The following CCNG1 variants were observed in gnomAD, a reference collection of about 807,000 sequenced individuals.
CCNG1 encodes the protein cyclin G1, also known as cyclin-G1.
Under a neutral mutation model 30.0 loss-of-function variants are expected in CCNG1, and 13 were observed. That is an observed-to-expected ratio of 0.43 (90% CI 0.28 to 0.69). CCNG1 has a LOEUF of 0.69. CCNG1 is among the 30% of genes least tolerant of loss of function. The pLI is 0.16. For missense variants in CCNG1, 285 were observed against 331.4 expected (o/e 0.86, Z 1.09); for synonymous variants, 110 against 121.5 (o/e 0.91, Z 0.62).
chr5:163,441,805 T>G, intron 3 of CCNG1, 81 bp from the exon 4 acceptor site: 1 of 810,048 alleles, frequency 1.2e-6, no homozygotes, highest in Admixed American at 2.3e-5. Flanking sequence ...CTTTAAAAAT[T>G]GACTTCAATG....
At chr5:163,443,154 C>CA (rs1757905948) in intron 6 of CCNG1, among the ~76,000 whole-genome samples, 1 of 151,836 alleles carries the variant, frequency 6.6e-6, no homozygotes, top group Admixed American at 6.6e-5. Context: ...CTAAAAAATA[C>CA]AAAAAAATTT....
chr5:163,439,780 T>TA (rs1022742290), intron 2 of CCNG1, among the ~76,000 whole-genome samples: 2 of 152,178 alleles, frequency 1.3e-5, no homozygotes, highest in African/African-American at 4.8e-5. Flanking sequence ...TGGCTGTTTT[T>TA]AAAAAACCCT....
In CCNG1 at chr5:163,442,162, C is replaced by T. The variant is rs1277809522; in HGVS notation, c.696+19C>T. ...TTCCAAGGTATGTGAAGGACATAGCCTAAATCCTATTAACAGCTGTAAAAG... is the reference window on the plus strand; with the variant it reads ...TTCCAAGGTATGTGAAGGACATAGCTTAAATCCTATTAACAGCTGTAAAAG... On this transcript the variant is annotated intron_variant, in intron 5 of 6. Coordinates refer to ENST00000340828, the MANE Select transcript of CCNG1 (RefSeq NM_004060.4). The T allele has an allele frequency of 2.0e-6, 3 of 1,493,132 alleles. No homozygotes were observed. The highest frequency in any genetic ancestry group is 3.6e-5 in the Admixed American group (2 of 55,318). 92.5% of individuals were successfully genotyped at this position (1,493,132 alleles called of 1,614,324 possible). A position where few individuals can be genotyped will look rare whatever the true frequency, so the allele number is the denominator to read the frequency against.
chr5:163,439,401 G>A lies in CCNG1; in HGVS notation c.145G>A (p.Ala49Thr). 1 of 1,614,152 alleles carries A rather than the reference G, an allele frequency of 6.2e-7. No individual in the cohort carries two copies. The highest frequency in any genetic ancestry group is 1.1e-5 in the South Asian group (1 of 91,086). The change falls in exon 2 of 7, where the codon GCA (alanine) becomes ACA (threonine). Residue 49 changes from alanine (A) to threonine (T), a missense_variant. Coordinates refer to ENST00000340828, the MANE Select transcript of CCNG1 (RefSeq NM_004060.4). ...SAHDNGLRMT[A>T]RLRDFEVKDL... ...ACACGATAATGGCCTCAGAATGACTGCAAGACTAAGGGACTTTGAAGTAAA... is the reference window on the plus strand; with the variant it reads ...ACACGATAATGGCCTCAGAATGACTACAAGACTAAGGGACTTTGAAGTAAA...
At chr5:163,457,119 T>C in the CCNG1 span, 4 of 1,533,240 alleles carry the variant, frequency 2.6e-6, no homozygotes, top group Middle Eastern at 1.8e-4. Context: ...CACAAATAAA[T>C]TAGAGTTCTT....
downstream of CCNG1, chr5:163,446,136 AAAG>A (rs944395879): frequency 6.6e-5 from 10 of 152,222 alleles, no homozygotes; most frequent in African/African-American, 1.9e-4. Context: ...GTTGTTCATA[AAAG>A]AAGCCTCCTT....
chr5:163,439,043 C>T (rs899215421), intron 1 of CCNG1: 3 of 391,410 alleles, frequency 7.7e-6, no homozygotes, highest in Admixed American at 9.1e-5. Flanking sequence ...AAAAAAAAAG[C>T]ATGGTTCCTT....
At chr5:163,439,636 C>A in intron 2 of CCNG1, 116 bp downstream of exon 2, 1 of 811,910 alleles carries the variant, frequency 1.2e-6, no homozygotes, top group Non-Finnish European at 1.9e-6. Context: ...GTAGCCAAAA[C>A]ATTAATTTTG....
downstream of CCNG1, chr5:163,448,130 C>G (rs71597997): frequency 2.0e-5 from 3 of 150,672 alleles, 1 homozygote; most frequent in African/African-American, 7.3e-5. Flanking sequence ...CTACTCCAGT[C>G]TGGGTGATGA....
At chr5:163,445,063 T>G (rs1758001673), downstream of CCNG1, 1 of 152,238 alleles carries the variant, frequency 6.6e-6, no homozygotes, top group Non-Finnish European at 1.5e-5. Context: ...TTAACTCTTT[T>G]AGCAATGTGT....
chr5:163,452,546 G>A, the CCNG1 span: 1 of 151,976 alleles, frequency 6.6e-6, no homozygotes, highest in African/African-American at 2.4e-5. Flanking sequence ...AGTTTATAGA[G>A]ATACGATAAA....
rs1757660116 is a variant in CCNG1 at position 163,439,069 on chromosome 5, A to G, written c.1-188A>G. 5 of 556,894 alleles carry G rather than the reference A, an allele frequency of 9.0e-6. No homozygotes were observed. In the South Asian group the frequency reaches 1.0e-4, roughly 11 times the overall value. The allele number at this position is 556,894 out of a possible 1,614,324, so 34.5% of individuals were successfully genotyped here. On this transcript the variant is annotated intron_variant, in intron 1 of 6. Transcript: ENST00000340828. ...ATGGTTCCTTCCCTCTAGGAACTCAATTTAGGATGTGACCAACTTGTAGAA... is the reference window on the plus strand; with the variant it reads ...ATGGTTCCTTCCCTCTAGGAACTCAGTTTAGGATGTGACCAACTTGTAGAA...
rs1348295575 is a variant in CCNG1, at chr5:163,444,298, G to A, written c.*628G>A. ...AGAAAAATACAGACCTATAAAGTTT[G>A]GCATATTCATTAAGTTATCTTTTAA... is the stretch of plus-strand genomic sequence containing the variant. On this transcript the variant is annotated 3_prime_UTR_variant, in exon 7 of 7. Transcript: ENST00000340828. 1.3e-5 allele frequency: 2 copies of A among 152,440 alleles called. No homozygotes were observed. Among genetic ancestry groups the A allele is most frequent in the African/African-American group, 4.8e-5 (2 of 41,394 alleles). 9.4% of individuals were successfully genotyped at this position (152,440 alleles called of 1,614,324 possible). A position where few individuals can be genotyped will look rare whatever the true frequency, so the allele number is the denominator to read the frequency against.
chr5:163,450,921 A>C (rs1758161637), downstream of CCNG1: 1 of 152,268 alleles, frequency 6.6e-6, no homozygotes, highest in African/African-American at 2.4e-5. Context: ...AAATGTATAA[A>C]CAAAGTGCTA....
intron 1 of CCNG1, 31 bp from the exon 2 acceptor site, chr5:163,439,226 A>T (rs1485625366): frequency 6.3e-7 from 1 of 1,598,538 alleles, no homozygotes; most frequent in Non-Finnish European, 8.5e-7. Context: ...CTACTCTTAC[A>T]CTCCTTGCTG....
the CCNG1 span, chr5:163,454,123 T>TA: frequency 1.5e-6 from 1 of 675,786 alleles, no homozygotes; most frequent in Non-Finnish European, 2.4e-6. Context: ...TGGCAATTGA[T>TA]AAAAAAGGAT....
At chr5:163,454,611 G>A in the CCNG1 span, among the ~76,000 whole-genome samples, 1 of 152,218 alleles carries the variant, frequency 6.6e-6, no homozygotes, top group Non-Finnish European at 1.5e-5. Context: ...AAAGTGCTGG[G>A]ATTACAGGCG....
At position 163,439,609 on chromosome 5, in the gene CCNG1, CT is replaced by C. The variant is rs377640271; in HGVS notation, c.264+99del. The C allele has an allele frequency of 1.9e-3, 1,968 of 1,047,224 alleles. 4 individuals carry two copies. Among genetic ancestry groups the C allele is most frequent in the Non-Finnish European group, 2.2e-3 (1,666 of 761,836 alleles). The allele number at this position is 1,047,224 out of a possible 1,614,324, so 64.9% of individuals were successfully genotyped here. On this transcript the variant is annotated intron_variant, in intron 2 of 6. Transcript: ENST00000340828. ...TTTGGCTGGTATTCATAAACTTGAC[CT>C]TTTTTTTTTCAGCACGTAGCCAAAA... is the stretch of plus-strand genomic sequence containing the variant.
At position 163,441,203 on chromosome 5, in the gene CCNG1, G is replaced by A. The variant is rs759418640; in HGVS notation, c.390G>A (p.Thr130=). 17 of 1,613,880 alleles carry A rather than the reference G, an allele frequency of 1.1e-5. No homozygotes were observed. The highest frequency in any genetic ancestry group is 3.3e-5 in the Admixed American group (2 of 59,990). ...DLIRISQYRF[T]VSDLMRMEKI... ...TCCGAATAAGTCAATATAGGTTTAC[G>A]GTTTCAGACTTGATGAGAATGGAAA... The change falls in exon 3 of 7, where the codon ACG becomes ACA. Residue 130 remains threonine, a synonymous_variant. Transcript: ENST00000340828.
Sources: gnomAD v4.1 joint callset for allele counts (sites outside exome capture counted in the v4.1 genomes callset) on GRCh38, gnomAD v4.1.1 for gene constraint, MANE v1.5 for transcripts, NCBI Gene and HGNC (gene_info 2026-07-23, HGNC 2026-07-21) for gene names.